Variants in PTPRD observed in about 807,000 individuals in gnomAD.
PTPRD encodes the protein protein tyrosine phosphatase receptor type D, also known as receptor-type tyrosine-protein phosphatase delta.
A neutral mutation model predicts 214.5 loss-of-function variants in PTPRD; 34 were observed. That is an observed-to-expected ratio of 0.16 (90% CI 0.12 to 0.21). The LOEUF is 0.21. Among genes scored for constraint, PTPRD ranks in the 10% least tolerant of loss-of-function variants. The pLI is 1.00. For missense variants in PTPRD, 2,545 were observed against 2,398.7 expected, an observed-to-expected ratio of 1.06 and a Z score of -1.27; for synonymous variants, 1,128 against 845.7, an observed-to-expected ratio of 1.33 and a Z score of -5.79.
chr9:9,449,089 T>G (rs1304181913), intron 8 of PTPRD, among the ~76,000 whole-genome samples: 1 of 152,082 alleles, frequency 6.6e-6, no homozygotes, highest in Non-Finnish European at 1.5e-5. Context: ...GAAATTATCT[T>G]TACTTCTATA....
intron 2 of PTPRD, among the ~76,000 whole-genome samples, chr9:10,376,677 C>A (rs1442298411): frequency 2.0e-5 from 3 of 151,720 alleles, no homozygotes; most frequent in African/African-American, 7.3e-5. Flanking sequence ...TGTAATTTTG[C>A]AGTCAGAGAA....
chr9:9,877,056 G>A (rs1478054244), intron 5 of PTPRD, among the ~76,000 whole-genome samples: 1 of 152,056 alleles, frequency 6.6e-6, no homozygotes, highest in Non-Finnish European at 1.5e-5. Flanking sequence ...TTTGATGCCT[G>A]AATGCTACAG....
chr9:10,404,461 AT>A (rs980790557), intron 2 of PTPRD, among the ~76,000 whole-genome samples: 1 of 151,664 alleles, frequency 6.6e-6, no homozygotes, highest in African/African-American at 2.4e-5. Context: ...ATGTTATTTG[AT>A]TTTTTCAAAA....
intron 11 of PTPRD, among the ~76,000 whole-genome samples, chr9:8,832,973 A>C (rs776264821): frequency 1.3e-5 from 2 of 152,140 alleles, no homozygotes; most frequent in Non-Finnish European, 2.9e-5. Flanking sequence ...GAAAGCTGTA[A>C]CATGAAAGAC....
intron 44 of PTPRD, among the ~76,000 whole-genome samples, chr9:8,321,958 G>C (rs1266873617): frequency 1.3e-5 from 2 of 152,036 alleles, no homozygotes; most frequent in African/African-American, 4.8e-5. Context: ...CTGTGTAGCA[G>C]TTTGGTAATT....
At position 9,575,787 on chromosome 9, in the gene PTPRD, A is replaced by AAG. The variant is rs1314732120; in HGVS notation, c.-286-1007_-286-1006insCT. Among the ~76,000 whole-genome samples the AAG allele has an allele frequency of 2.9e-3, 322 of 110,688 alleles. 1 individual carries two copies. Among genetic ancestry groups the AAG allele is most frequent in the African/African-American group, 0.013 (300 of 22,586 alleles). The allele number at this position is 110,688 out of a possible 152,430, so 72.6% of individuals were successfully genotyped here. On this transcript the variant is annotated intron_variant, in intron 7 of 45. Coordinates refer to ENST00000381196, the MANE Select transcript of PTPRD (RefSeq NM_002839.4). ...AAAAAAAGAAAAAGAAAGAAAAAGAAAAAAAAAAATAGTTACTGAGCCCTT... is the reference window on the plus strand; with the variant it reads ...AAAAAAAGAAAAAGAAAGAAAAAGAAAGAAAAAAAAATAGTTACTGAGCCCTT...
chr9:10,298,647 T>C (rs912202273), intron 3 of PTPRD, among the ~76,000 whole-genome samples: 1 of 152,028 alleles, frequency 6.6e-6, no homozygotes, highest in African/African-American at 2.4e-5. Flanking sequence ...CCCATGATTG[T>C]GATGCCTTCT....
intron 11 of PTPRD, among the ~76,000 whole-genome samples, chr9:8,738,654 A>G (rs1402470384): frequency 6.6e-6 from 1 of 152,162 alleles, no homozygotes; most frequent in African/African-American, 2.4e-5. Flanking sequence ...ACAACAAATC[A>G]CATTATAATC....
intron 10 of PTPRD, among the ~76,000 whole-genome samples, chr9:9,066,176 C>T (rs904219177): frequency 6.6e-6 from 1 of 152,002 alleles, no homozygotes; most frequent in African/African-American, 2.4e-5. Context: ...TAATGTTATC[C>T]TACTCTCATA....
chr9:9,012,018 G>T (rs182725514), intron 11 of PTPRD, among the ~76,000 whole-genome samples: 3 of 152,272 alleles, frequency 2.0e-5, no homozygotes, highest in Admixed American at 1.3e-4. Flanking sequence ...TATCAGTCTG[G>T]TAATAGGAAG....
At chr9:10,263,560 A>G (rs1401703906) in intron 3 of PTPRD, among the ~76,000 whole-genome samples, 1 of 152,166 alleles carries the variant, frequency 6.6e-6, no homozygotes, top group Non-Finnish European at 1.5e-5. Flanking sequence ...GATCTGTGGA[A>G]TTTTGAACTT....
At chr9:9,906,073 T>C (rs1363879629) in intron 5 of PTPRD, among the ~76,000 whole-genome samples, 2 of 151,714 alleles carry the variant, frequency 1.3e-5, no homozygotes. Context: ...ATAGAAAAAA[T>C]ACAGGATGCC....
chr9:8,325,721 G>A (rs951351013), intron 44 of PTPRD, among the ~76,000 whole-genome samples: 1 of 152,094 alleles, frequency 6.6e-6, no homozygotes, highest in Non-Finnish European at 1.5e-5. Context: ...CGTGAGCATG[G>A]AATGTTCTTC....
intron 5 of PTPRD, among the ~76,000 whole-genome samples, chr9:9,838,044 T>C (rs1404012204): frequency 2.0e-5 from 3 of 152,156 alleles, no homozygotes; most frequent in African/African-American, 7.2e-5. Context: ...TTGCGATAGT[T>C]TACTGAGAAT....
intron 8 of PTPRD, among the ~76,000 whole-genome samples, chr9:9,432,760 T>C (rs1021209899): frequency 2.0e-5 from 3 of 152,312 alleles, no homozygotes; most frequent in East Asian, 3.9e-4. Flanking sequence ...CTTTAATACC[T>C]AAGAAAAGAA....
rs1250375855 is a variant in PTPRD at position 9,179,863 on chromosome 9, C to T, written c.-143+3441G>A. The stretch of plus-strand genomic sequence containing the variant: ...TTCTCTAGTTCTCAGGTCCCTCATC[C>T]TAACATGGAGATAAAGTACAGACCT... On this transcript the variant is annotated intron_variant, in intron 10 of 45. Transcript: ENST00000381196. Among the ~76,000 whole-genome samples, 4 of 152,074 alleles carry T rather than the reference C, an allele frequency of 2.6e-5. No individual in the cohort carries two copies. In the East Asian group the frequency reaches 5.8e-4, roughly 22 times the overall value.
At chr9:8,382,203 T>C (rs544106142) in intron 37 of PTPRD, among the ~76,000 whole-genome samples, 5 of 152,364 alleles carry the variant, frequency 3.3e-5, no homozygotes, top group Admixed American at 2.0e-4. Context: ...AGTACAACTA[T>C]GTTGGGTATT....
At chr9:8,704,907 A>C (rs1255961042) in intron 12 of PTPRD, among the ~76,000 whole-genome samples, 3 of 152,054 alleles carry the variant, frequency 2.0e-5, no homozygotes, top group Non-Finnish European at 2.9e-5. Context: ...CGGGCGATAG[A>C]GCAAGACTCC....
At chr9:9,224,350 A>G (rs1345320790) in intron 9 of PTPRD, among the ~76,000 whole-genome samples, 2 of 151,998 alleles carry the variant, frequency 1.3e-5, no homozygotes, top group Admixed American at 1.3e-4. Context: ...GAAAATTTTC[A>G]ATTTTAAATA....
Sources: gnomAD v4.1 joint callset for allele counts (sites outside exome capture counted in the v4.1 genomes callset) on GRCh38, gnomAD v4.1.1 for gene constraint, MANE v1.5 for transcripts, NCBI Gene and HGNC (gene_info 2026-07-23, HGNC 2026-07-21) for gene names.